Variants in EDAR observed in about 807,000 individuals in gnomAD.
EDAR encodes the protein tumor necrosis factor receptor superfamily member EDAR.
EDAR carries 38 observed loss-of-function variants against 51.3 expected under a neutral mutation model. The observed-to-expected ratio is 0.74, with a 90% CI of 0.57 to 0.97. The LOEUF (loss-of-function observed/expected upper bound fraction) is 0.97, where lower values mean the gene tolerates loss of function less well. EDAR is among the 50% of genes least tolerant of loss of function. The pLI is 0.00. For synonymous variants in EDAR, 227 were observed against 242.1 expected (o/e 0.94, Z 0.58); for missense variants, 528 against 595.0 (o/e 0.89, Z 1.17).
At chr2:108,914,226 C>T (rs980943701) in intron 5 of EDAR, among the ~76,000 whole-genome samples, 3 of 151,876 alleles carry the variant, frequency 2.0e-5, no homozygotes, top group African/African-American at 7.3e-5. Flanking sequence ...CACCACTGCA[C>T]TCTAGCCTGG....
intron 1 of EDAR, among the ~76,000 whole-genome samples, chr2:108,969,209 CCTT>C (rs1698198079): frequency 6.6e-6 from 1 of 152,088 alleles, no homozygotes; most frequent in African/African-American, 2.4e-5. Context: ...GCTTTGACAA[CCTT>C]CTTTTTTTTT....
In EDAR at chr2:108,912,687, C is replaced by T. The variant is rs771092641; in HGVS notation, c.520G>A (p.Ala174Thr). Residue 174 changes from alanine to threonine, a missense_variant, in exon 6 of 12, where the codon GCC becomes ACC. By Grantham distance (58) the Ala-to-Thr change is moderately conservative (BLOSUM62 0). Transcript: ENST00000258443. Reference protein sequence around the residue: ...GSSTLSPFQHAHKELSGQGHL... With the variant: ...GSSTLSPFQHTHKELSGQGHL... ...TGAGCACCCTCCTCACCTTTGTGGG[C>T]GTGCTGGAAGGGAGACAGGGTGCTG... 1.6e-5 allele frequency: 25 copies of T among 1,593,692 alleles called. No homozygotes were observed. Among genetic ancestry groups the T allele is most frequent in the Non-Finnish European group, 1.9e-5 (22 of 1,170,244 alleles).
intron 8 of EDAR, 75 bp downstream of exon 8, chr2:108,910,701 G>A (rs1696910264): frequency 6.5e-7 from 1 of 1,527,100 alleles, no homozygotes; most frequent in Non-Finnish European, 9.1e-7. Flanking sequence ...GCAGCGAGGA[G>A]GCTGCTTCTG....
chr2:108,921,369 G>C (rs541065372), intron 5 of EDAR, among the ~76,000 whole-genome samples: 1 of 152,324 alleles, frequency 6.6e-6, no homozygotes, highest in South Asian at 2.1e-4. Flanking sequence ...CAAGTCTGAC[G>C]GTGGTTTGCG....
chr2:108,905,288 T>G (rs1696779412), intron 11 of EDAR, among the ~76,000 whole-genome samples: 1 of 152,176 alleles, frequency 6.6e-6, no homozygotes, highest in Admixed American at 6.5e-5. Context: ...AAGAGCTTCC[T>G]GGTGGATGGA....
rs760401989 is a variant in EDAR at position 108,908,030 on chromosome 2, A to G, written c.804-11T>C. 1.6e-5 allele frequency: 25 copies of G among 1,605,448 alleles called. No homozygotes were observed. The highest frequency in any genetic ancestry group is 5.0e-5 in the Admixed American group (3 of 59,774). On this transcript the variant is annotated splice_polypyrimidine_tract_variant and intron_variant, in intron 9 of 11. Transcript: ENST00000258443. ...GAGGCATCGTTCTCGCTGCAAAAACAAGAGCGATGGTCATTAGCAGTGCCT... is the reference window on the plus strand; with the variant it reads ...GAGGCATCGTTCTCGCTGCAAAAACGAGAGCGATGGTCATTAGCAGTGCCT...
At chr2:108,962,708 A>C in intron 1 of EDAR, among the ~76,000 whole-genome samples, 1 of 147,656 alleles carries the variant, frequency 6.8e-6, no homozygotes, top group African/African-American at 2.5e-5. Context: ...AAAAGAGAGA[A>C]AGGAATGCAA....
At chr2:108,956,106 ATTGTC>A (rs1697921188) in intron 1 of EDAR, among the ~76,000 whole-genome samples, 1 of 152,198 alleles carries the variant, frequency 6.6e-6, no homozygotes, top group South Asian at 2.1e-4. Flanking sequence ...TTCATTCCCT[ATTGTC>A]TTAATTATTC....
intron 1 of EDAR, among the ~76,000 whole-genome samples, chr2:108,968,946 C>T (rs1301027370): frequency 6.6e-6 from 1 of 152,214 alleles, no homozygotes; most frequent in Non-Finnish European, 1.5e-5. Flanking sequence ...GATTGTAAGA[C>T]TTCACTGCTC....
At chr2:108,935,375 GA>G (rs1413368566) in intron 1 of EDAR, among the ~76,000 whole-genome samples, 1 of 152,170 alleles carries the variant, frequency 6.6e-6, no homozygotes, top group Non-Finnish European at 1.5e-5. Flanking sequence ...GAGCTCATTA[GA>G]AATGCAGAAT....
At chr2:108,906,827 A>G (rs1241827894) in intron 10 of EDAR, among the ~76,000 whole-genome samples, 2 of 152,168 alleles carry the variant, frequency 1.3e-5, no homozygotes, top group Non-Finnish European at 1.5e-5. Context: ...CTCCCTTGTA[A>G]CAACCCCACA....
intron 1 of EDAR, among the ~76,000 whole-genome samples, chr2:108,941,901 G>A (rs1697605675): frequency 6.6e-6 from 1 of 151,740 alleles, no homozygotes. Flanking sequence ...GACAGCAGGT[G>A]GGAGCTTATC....
At chr2:108,910,049 G>A (rs62151085) in intron 9 of EDAR, among the ~76,000 whole-genome samples, 6,757 of 152,312 alleles carry the variant, frequency 0.044, 223 homozygotes, top group Non-Finnish European at 0.07. Context: ...GCTGTTAGCC[G>A]TCATCACCAC....
At chr2:108,910,414 T>C in intron 9 of EDAR, 46 bp downstream of exon 9, 1 of 1,507,420 alleles carries the variant, frequency 6.6e-7, no homozygotes, top group South Asian at 1.1e-5. Flanking sequence ...CTGCTCAGGA[T>C]CCACAGGACC....
chr2:108,907,204 TTGTG>T (rs142148891), intron 10 of EDAR, among the ~76,000 whole-genome samples: 12 of 152,038 alleles, frequency 7.9e-5, no homozygotes, highest in Non-Finnish European at 2.9e-5. Context: ...AAGAAAAACG[TTGTG>T]TGTGTGTGTG....
intron 1 of EDAR, among the ~76,000 whole-genome samples, chr2:108,947,017 A>G (rs894993284): frequency 9.2e-5 from 14 of 152,326 alleles, no homozygotes; most frequent in African/African-American, 3.1e-4. Flanking sequence ...CCTTCTGCCT[A>G]TAAGCCTGTA....
intron 1 of EDAR, among the ~76,000 whole-genome samples, chr2:108,954,608 C>T (rs771250609): frequency 1.3e-5 from 2 of 152,150 alleles, no homozygotes; most frequent in Non-Finnish European, 2.9e-5. Context: ...AATTCTGTGT[C>T]TCTGTCTGCT....
intron 5 of EDAR, among the ~76,000 whole-genome samples, chr2:108,913,201 G>A (rs973678846): frequency 5.3e-5 from 8 of 151,812 alleles, no homozygotes; most frequent in Non-Finnish European, 1.0e-4. Context: ...TGCCCGCCTC[G>A]GCCTCCCAAA....
chr2:108,972,687 G>A (rs747646209), intron 1 of EDAR, among the ~76,000 whole-genome samples: 7 of 152,252 alleles, frequency 4.6e-5, no homozygotes, highest in Admixed American at 2.0e-4. Flanking sequence ...AGAACTTGAC[G>A]TGATCATTTG....
Sources: allele counts gnomAD v4.1 joint callset (sites outside exome capture counted in the v4.1 genomes callset), GRCh38; gene constraint gnomAD v4.1.1; transcripts MANE v1.5; gene names NCBI Gene and HGNC (gene_info 2026-07-23, HGNC 2026-07-21).